The following PUDP variants were observed in gnomAD, a reference collection of about 807,000 sequenced individuals.
PUDP encodes the protein pseudouridine-5'-phosphatase.
In PUDP, 8 loss-of-function variants were observed where a neutral mutation model predicts 9.4. That is an observed-to-expected ratio of 0.85 (90% CI 0.50 to 1.53). The LOEUF (loss-of-function observed/expected upper bound fraction) is 1.53. Ranked by LOEUF, PUDP falls within the 40% of genes most tolerant of loss-of-function variation. The probability of loss-of-function intolerance (pLI) is 0.00; values close to 1 mark genes in which losing one functional copy is unlikely to be tolerated. For synonymous variants in PUDP, 99 were observed against 80.7 expected, an observed-to-expected ratio of 1.23 and a Z score of -1.22; for missense variants, 188 against 189.7, an observed-to-expected ratio of 0.99 and a Z score of 0.05.
intron 3 of PUDP, among the ~76,000 whole-genome samples, chrX:7,058,640 A>AAAT (rs1199542896): frequency 2.7e-5 from 3 of 112,625 alleles, no homozygotes; most frequent in Non-Finnish European, 5.6e-5. Context: ...AGTGATCTGT[A>AAAT]AATAAGTACC....
intron 3 of PUDP, among the ~76,000 whole-genome samples, chrX:7,064,208 GC>G (rs1930484377): frequency 9.0e-6 from 1 of 111,617 alleles, no homozygotes; most frequent in African/African-American, 3.3e-5. Context: ...AGATGGAAGA[GC>G]CCACTCTCTA....
At chrX:6,837,692 G>T (rs185824737) in intron 3 of PUDP, among the ~76,000 whole-genome samples, 1 of 111,568 alleles carries the variant, frequency 9.0e-6, no homozygotes, top group Non-Finnish European at 1.9e-5. Flanking sequence ...CTGGAATCTG[G>T]AATTCTAGAA....
At chrX:6,906,789 G>A (rs1433658640) in intron 3 of PUDP, among the ~76,000 whole-genome samples, 2 of 111,632 alleles carry the variant, frequency 1.8e-5, no homozygotes, top group Admixed American at 1.9e-4. Context: ...TAGCACATGT[G>A]GGAACATCAG....
intron 3 of PUDP, among the ~76,000 whole-genome samples, chrX:6,831,470 C>G (rs999022209): frequency 1.8e-5 from 2 of 112,050 alleles, no homozygotes; most frequent in South Asian, 3.7e-4. Context: ...CAGGAATGAA[C>G]GAGGACAGCT....
At chrX:6,997,781 C>T (rs1454649189) in intron 1 of PUDP, among the ~76,000 whole-genome samples, 2 of 111,144 alleles carry the variant, frequency 1.8e-5, no homozygotes, top group East Asian at 2.8e-4. Context: ...TTAGAAGTTA[C>T]GTGAGATTGC....
intron 3 of PUDP, among the ~76,000 whole-genome samples, chrX:6,932,915 G>A (rs1323088912): frequency 2.7e-5 from 3 of 110,628 alleles, no homozygotes; most frequent in Non-Finnish European, 5.7e-5. Flanking sequence ...CGAGGCTGGG[G>A]GAGGGGCGCC....
chrX:6,835,510 A>G (rs944226533), intron 3 of PUDP, among the ~76,000 whole-genome samples: 1 of 112,074 alleles, frequency 8.9e-6, no homozygotes, highest in African/African-American at 3.2e-5. Flanking sequence ...ATTATAATAT[A>G]GCATGTCTAT....
upstream of PUDP, among the ~76,000 whole-genome samples, chrX:6,722,108 C>T (rs1448180953): frequency 9.2e-6 from 1 of 109,002 alleles, no homozygotes; most frequent in Non-Finnish European, 1.9e-5. Context: ...ATCCCTTCAT[C>T]GCACTACCAA....
chrX:7,086,856 G>A (rs900834282), intron 2 of PUDP, among the ~76,000 whole-genome samples: 13 of 112,018 alleles, frequency 1.2e-4, no homozygotes, highest in South Asian at 3.7e-4. Context: ...TATCCTGGAC[G>A]TAAGACAGTG....
In PUDP at chrX:6,779,033, T is replaced by C. The variant is rs567491558; in HGVS notation, c.*248-72567A>G. 9.0e-5 allele frequency among the ~76,000 whole-genome samples: 10 copies of C among 111,620 alleles called. No individual in the cohort carries two copies. In the South Asian group the frequency reaches 3.8e-3, roughly 43 times the overall value. ...CAAGGGCTCCAGCAGGATTGAAATA[T>C]ACTAGGTGCGCATAAGAGCGAGCAT... On this transcript the variant is annotated intron_variant and NMD_transcript_variant, in intron 3 of 3. Coordinates refer to the PUDP transcript ENST00000655425.
At chrX:7,009,200 C>T in intron 1 of PUDP, among the ~76,000 whole-genome samples, 1 of 112,095 alleles carries the variant, frequency 8.9e-6, no homozygotes, top group Admixed American at 9.4e-5. Flanking sequence ...AAATTGTCTC[C>T]GAAGTTGCCT....
chrX:6,855,456 G>A (rs1926891218), intron 3 of PUDP, among the ~76,000 whole-genome samples: 1 of 111,162 alleles, frequency 9.0e-6, no homozygotes, highest in Non-Finnish European at 1.9e-5. Context: ...GGCTTCCCTC[G>A]ATGCCCTCAT....
chrX:6,858,322 C>CTTT (rs370817442), intron 3 of PUDP, among the ~76,000 whole-genome samples: 5 of 89,463 alleles, frequency 5.6e-5, no homozygotes, highest in Non-Finnish European at 6.6e-5. Flanking sequence ...TTTTTTCTTT[C>CTTT]TTTTTTTTTT....
chrX:7,036,031 G>GCCA (rs1929849044), intron 1 of PUDP, among the ~76,000 whole-genome samples: 1 of 111,917 alleles, frequency 8.9e-6, no homozygotes, highest in Admixed American at 9.5e-5. Context: ...TGCACATGCT[G>GCCA]GCTTCCCCTC....
chrX:6,964,058 T>G (rs755576881), intron 3 of PUDP, among the ~76,000 whole-genome samples: 2 of 112,199 alleles, frequency 1.8e-5, no homozygotes, highest in Non-Finnish European at 3.8e-5. Flanking sequence ...AGAAGCATTC[T>G]AGGAAGTAAA....
At chrX:6,893,512 G>A (rs959464182) in intron 3 of PUDP, among the ~76,000 whole-genome samples, 1 of 111,649 alleles carries the variant, frequency 9.0e-6, no homozygotes, top group Non-Finnish European at 1.9e-5. Flanking sequence ...GAGTCCTTCT[G>A]CAAATGTCTG....
chrX:7,077,497 A>G (rs1327179026), intron 2 of PUDP, 48 bp from the exon 3 acceptor site: 2 of 980,251 alleles, frequency 2.0e-6, no homozygotes, highest in Non-Finnish European at 2.9e-6. Flanking sequence ...GGCCTCCACC[A>G]TAAGACCTTC....
At chrX:6,808,977 G>A (rs1426496997) in intron 3 of PUDP, among the ~76,000 whole-genome samples, 1 of 111,914 alleles carries the variant, frequency 8.9e-6, no homozygotes, top group Non-Finnish European at 1.9e-5. Context: ...GTCCTTGTAT[G>A]TTGAGTAGAA....
intron 3 of PUDP, among the ~76,000 whole-genome samples, chrX:6,854,708 A>G (rs1352237911): frequency 9.0e-6 from 1 of 111,123 alleles, no homozygotes; most frequent in Non-Finnish European, 1.9e-5. Context: ...AAGAGAAACT[A>G]TATTTACTAT....
Sources: allele counts gnomAD v4.1 joint callset (sites outside exome capture counted in the v4.1 genomes callset), GRCh38; gene constraint gnomAD v4.1.1; transcripts MANE v1.5; gene names NCBI Gene and HGNC (gene_info 2026-07-23, HGNC 2026-07-21).